Variants in SMTN observed in about 807,000 individuals in gnomAD.
The protein encoded by SMTN is smoothelin.
A neutral mutation model predicts 102.0 loss-of-function variants in SMTN; 58 were observed. The ratio of observed to expected loss-of-function variants is 0.57; its 90% CI spans 0.46 to 0.71. SMTN has a LOEUF of 0.71. SMTN is among the 30% of genes least tolerant of loss of function. SMTN has a pLI of 0.00. For missense variants in SMTN, 1,185 were observed against 1,241.7 expected, an observed-to-expected ratio of 0.95 and a Z score of 0.69; for synonymous variants, 478 against 497.9, an observed-to-expected ratio of 0.96 and a Z score of 0.53.
chr22:31,101,274 G>T (rs2147818166), intron 20 of SMTN: 1 of 506,676 alleles, frequency 2.0e-6, no homozygotes, highest in Non-Finnish European at 3.5e-6. Context: ...GGAAGCCCAG[G>T]GGAGATGCCT....
At position 31,095,249 on chromosome 22, in the gene SMTN, A is replaced by T. The variant is rs1215854274; in HGVS notation, c.1633-54A>T. 6.3e-7 allele frequency: 1 copy of T among 1,578,960 alleles called. No individual in the cohort carries two copies. The highest frequency in any genetic ancestry group is 2.2e-5 in the East Asian group (1 of 44,626). On this transcript the variant is annotated intron_variant, in intron 11 of 20. Transcript: ENST00000333137. The surrounding 1 kb of genome is among the most constrained non-coding windows in gnomAD (Gnocchi z 4.1). ...TGCTTCCCTATCCATTGGAGACATG[A>T]TGAGTTTCACCCATACCCCTGCTTA...
Position 31,095,899 on chromosome 22 carries a change from C to T in SMTN, c.1861+290C>T. 6.1e-6 allele frequency: 3 copies of T among 488,898 alleles called. No individual in the cohort carries two copies. Among genetic ancestry groups the T allele is most frequent in the Non-Finnish European group, 7.3e-6 (2 of 273,038 alleles). 30.3% of individuals were successfully genotyped at this position (488,898 alleles called of 1,614,324 possible). On this transcript the variant is annotated intron_variant, in intron 13 of 20. Coordinates refer to ENST00000333137, the MANE Select transcript of SMTN (RefSeq NM_134269.3). This position sits in a 1 kb window ranked among gnomAD's most constrained non-coding sequence, Gnocchi z 4.1. ...CTACTCTCTCCTTGGATCCAGTTGC[C>T]TCTCAAAGTACTGTCAACGACTCCT... is the stretch of plus-strand genomic sequence containing the variant.
Position 31,102,810 on chromosome 22 carries a change from C to T in SMTN, c.*21-1506C>T, listed in dbSNP as rs111972270. On this transcript the variant is annotated intron_variant, in intron 20 of 20. Transcript: ENST00000333137. Reference sequence around the variant, plus strand: ...CCAGGTTGGAGAGGGCGGTCGGGATCCCCAGGACGATAGCCACAGCTGGAA... The same window carrying T: ...CCAGGTTGGAGAGGGCGGTCGGGATTCCCAGGACGATAGCCACAGCTGGAA... 455 of 152,618 alleles carry T rather than the reference C, an allele frequency of 3.0e-3. 2 individuals carry two copies. Among genetic ancestry groups the T allele is most frequent in the Middle Eastern group, 6.8e-3 (2 of 296 alleles). The allele number at this position is 152,618 out of a possible 1,614,324, so 9.5% of individuals were successfully genotyped here.
At chr22:31,084,924 G>A (rs1219520645) in intron 2 of SMTN, 9 of 1,341,384 alleles carry the variant, frequency 6.7e-6, no homozygotes, top group African/African-American at 1.5e-5. Flanking sequence ...GGGGCGTCCC[G>A]AGCCGGGCTC....
rs1569261651 is a variant in SMTN, at chr22:31,095,649, AT to A, written c.1861+42del. On this transcript the variant is annotated intron_variant, in intron 13 of 20. Coordinates refer to ENST00000333137, the MANE Select transcript of SMTN (RefSeq NM_134269.3). The surrounding 1 kb of genome is among the most constrained non-coding windows in gnomAD (Gnocchi z 4.1). ...GCCCTACCCTAGATCCAGCTGCCCCATTCCCCAGCTGCTCCCCTCATACTCT... is the reference window on the plus strand; with the variant it reads ...GCCCTACCCTAGATCCAGCTGCCCCATCCCCAGCTGCTCCCCTCATACTCT... The A allele has an allele frequency of 6.4e-7, 1 of 1,554,214 alleles. No individual in the cohort carries two copies. The highest frequency in any genetic ancestry group is 1.8e-5 in the Admixed American group (1 of 54,780).
intron 8 of SMTN, among the ~76,000 whole-genome samples, chr22:31,090,416 C>T (rs1472220311): frequency 6.6e-6 from 1 of 151,372 alleles, no homozygotes; most frequent in Non-Finnish European, 1.5e-5. Flanking sequence ...GGGCCTCAGG[C>T]ACATTCTTCT....
At chr22:31,092,510 GC>G (rs2043214097) in intron 11 of SMTN, 1 of 471,128 alleles carries the variant, frequency 2.1e-6, no homozygotes, top group South Asian at 1.5e-5. Context: ...GGATCCCCAA[GC>G]GGGCCACCCG....
chr22:31,101,828 A>G (rs964176853), intron 20 of SMTN: 7 of 150,698 alleles, frequency 4.6e-5, no homozygotes, highest in African/African-American at 1.7e-4. Flanking sequence ...CCTCCTGAGG[A>G]CAACAGGAGT....
intron 13 of SMTN, 91 bp from the exon 14 acceptor site, chr22:31,096,642 A>G: frequency 7.2e-7 from 1 of 1,383,452 alleles, no homozygotes; most frequent in Non-Finnish European, 9.6e-7. Context: ...GCCACCCTCC[A>G]CCCCGTCTTG....
chr22:31,068,813 G>T (rs2041926983), intron 1 of SMTN, among the ~76,000 whole-genome samples: 1 of 152,160 alleles, frequency 6.6e-6, no homozygotes, highest in Non-Finnish European at 1.5e-5. Flanking sequence ...CTGTGATGGG[G>T]AGTAATTACA....
At chr22:31,092,834 T>G (rs546791638) in intron 11 of SMTN, among the ~76,000 whole-genome samples, 1 of 152,338 alleles carries the variant, frequency 6.6e-6, no homozygotes, top group South Asian at 2.1e-4. Context: ...ACCCATAATG[T>G]GCTTGCTCAA....
At chr22:31,076,427 C>G (rs1358264874), upstream of SMTN, among the ~76,000 whole-genome samples, 1 of 152,206 alleles carries the variant, frequency 6.6e-6, no homozygotes, top group Admixed American at 6.5e-5. Flanking sequence ...GGGTTCAAAT[C>G]CCTTCGCTAC....
In SMTN at chr22:31,088,750, C is replaced by A. The variant is rs746198580; in HGVS notation, c.346C>A (p.Arg116Ser). Residue 116 changes from arginine (R) to serine (S), a missense_variant, in exon 5 of 21, where the codon CGC becomes AGC. Physicochemically the swap from Arg to Ser is moderately radical, Grantham distance 110. Coordinates refer to ENST00000333137, the MANE Select transcript of SMTN (RefSeq NM_134269.3). ...GCGCAAGCTGATCCGAGCTGCCATCCGCCGTGTACGGGCTCAGGAGATTGA... is the reference window on the plus strand; with the variant it reads ...GCGCAAGCTGATCCGAGCTGCCATCAGCCGTGTACGGGCTCAGGAGATTGA... The part of the protein sequence containing the change: ...EERKLIRAAI[R>S]RVRAQEIEAA... The A allele has an allele frequency of 4.3e-6, 7 of 1,612,944 alleles. No homozygotes were observed. In the South Asian group the frequency reaches 7.7e-5, roughly 18 times the overall value.
intron 11 of SMTN, chr22:31,093,623 G>A (rs949719595): frequency 7.8e-6 from 6 of 765,966 alleles, no homozygotes; most frequent in African/African-American, 3.4e-5. Context: ...GAAGAGCTGC[G>A]GGCAGAGAGA....
At position 31,091,119 on chromosome 22, in the gene SMTN, G is replaced by A. The variant is rs1268705206; in HGVS notation, c.1096G>A (p.Gly366Ser). The A allele has an allele frequency of 1.2e-6, 2 of 1,613,704 alleles. No homozygotes were observed. The highest frequency in any genetic ancestry group is 2.7e-5 in the African/African-American group (2 of 74,882). ...TCCCCTGACCCCCGCAAGGCTCCTG[G>A]GCCCCTCCCTCACCAGCACCACCCC... ...LSPLTPARLL[G>S]PSLTSTTPAS... The change falls in exon 10 of 21, where the codon GGC becomes AGC. Residue 366 changes from glycine to serine, a missense_variant. Physicochemically the swap from Gly to Ser is moderately conservative, Grantham distance 56 (BLOSUM62 0). Coordinates refer to ENST00000333137, the MANE Select transcript of SMTN (RefSeq NM_134269.3).
Position 31,095,250 on chromosome 22 carries a change from T to G in SMTN, c.1633-53T>G. On this transcript the variant is annotated intron_variant, in intron 11 of 20. Transcript: ENST00000333137. This position sits in a 1 kb window ranked among gnomAD's most constrained non-coding sequence, Gnocchi z 4.1. ...GCTTCCCTATCCATTGGAGACATGA[T>G]GAGTTTCACCCATACCCCTGCTTAA... 2 of 1,580,434 alleles carry G rather than the reference T, an allele frequency of 1.3e-6. No individual in the cohort carries two copies. The highest frequency in any genetic ancestry group is 1.7e-6 in the Non-Finnish European group (2 of 1,156,572).
At chr22:31,084,887 G>GC in intron 2 of SMTN, 2 of 1,161,650 alleles carry the variant, frequency 1.7e-6, no homozygotes, top group Non-Finnish European at 1.1e-6. Context: ...CGCCGGCCCG[G>GC]CCCCCGCTGG....
rs763294143 is a variant in SMTN at position 31,091,319 on chromosome 22, G to T, written c.1296G>T (p.Gly432=). 1.6e-5 allele frequency: 26 copies of T among 1,604,596 alleles called. 1 individual carries two copies. The highest frequency in any genetic ancestry group is 1.6e-4 in the East Asian group (7 of 44,752). The change falls in exon 10 of 21, where the codon GGG becomes GGT. Residue 432 remains glycine, a synonymous_variant. Transcript: ENST00000333137. ...AARPLENRAG[G]PVARSEEPGA... ...GGCCCCTTGAAAACAGAGCAGGGGG[G>T]CCTGTGGCACGTTCAGAGGAGCCTG...
intron 11 of SMTN, chr22:31,092,603 G>C (rs1451919553): frequency 2.2e-6 from 1 of 464,876 alleles, no homozygotes; most frequent in African/African-American, 2.0e-5. Flanking sequence ...CCAGCTTTGG[G>C]CCTTCTCAGG....
Sources: allele counts gnomAD v4.1 joint callset (sites outside exome capture counted in the v4.1 genomes callset), GRCh38; gene constraint gnomAD v4.1.1; non-coding constraint Gnocchi (gnomAD v3.1); transcripts MANE v1.5; gene names NCBI Gene and HGNC (gene_info 2026-07-23, HGNC 2026-07-21).